RBFOX1: variants seen among roughly 807,000 people sequenced by gnomAD.
RBFOX1 encodes the protein RNA binding fox-1 homolog 1.
Under a neutral mutation model 57.7 loss-of-function variants are expected in RBFOX1, and 8 were observed. The observed-to-expected ratio is 0.14, with a 90% CI of 0.08 to 0.25. The LOEUF is 0.25. RBFOX1 is among the 10% of genes least tolerant of loss of function. RBFOX1 has a pLI of 1.00. For missense variants in RBFOX1, 611 were observed against 548.5 expected (o/e 1.11, Z -1.14); for synonymous variants, 326 against 222.4 (o/e 1.47, Z -4.15).
intron 10 of RBFOX1, among the ~76,000 whole-genome samples, chr16:7,625,322 G>A (rs895987934): frequency 3.9e-5 from 6 of 152,104 alleles, no homozygotes; most frequent in Admixed American, 6.5e-5. Flanking sequence ...TGCCCACCCA[G>A]CCCTTCGAGC....
At chr16:6,218,629 T>C (rs552810124) in intron 1 of RBFOX1, among the ~76,000 whole-genome samples, 1 of 152,192 alleles carries the variant, frequency 6.6e-6, no homozygotes, top group African/African-American at 2.4e-5. Context: ...CTTTCTCTTG[T>C]TTTTAATAAG....
chr16:6,708,833 G>C (rs147307238), intron 3 of RBFOX1, among the ~76,000 whole-genome samples: 154 of 152,276 alleles, frequency 1.0e-3, no homozygotes, highest in African/African-American at 3.6e-3. Context: ...CTTGAGAAAT[G>C]ATGAGTAAGA....
At chr16:6,006,185 G>C (rs896916034) in intron 4 of RBFOX1, among the ~76,000 whole-genome samples, 3 of 152,250 alleles carry the variant, frequency 2.0e-5, no homozygotes, top group Admixed American at 2.0e-4. Flanking sequence ...GTTTCCTACG[G>C]GGAAATCACC....
At chr16:6,371,675 A>T (rs911108864) in intron 2 of RBFOX1, among the ~76,000 whole-genome samples, 1 of 152,164 alleles carries the variant, frequency 6.6e-6, no homozygotes, top group Admixed American at 6.5e-5. Context: ...TGGTGTTTAG[A>T]AACAAAGTTC....
At chr16:6,403,302 A>C (rs1028053140) in intron 2 of RBFOX1, among the ~76,000 whole-genome samples, 3 of 152,224 alleles carry the variant, frequency 2.0e-5, no homozygotes, top group Admixed American at 6.5e-5. Flanking sequence ...CCTGCCACTC[A>C]GGTGTTAAGA....
intron 3 of RBFOX1, among the ~76,000 whole-genome samples, chr16:5,832,295 C>T (rs996786737): frequency 6.6e-6 from 1 of 152,162 alleles, no homozygotes; most frequent in African/African-American, 2.4e-5. Flanking sequence ...CCAGCTAGTT[C>T]CAAACCTTAC....
intron 2 of RBFOX1, among the ~76,000 whole-genome samples, chr16:6,501,034 G>T (rs1474007629): frequency 6.6e-6 from 1 of 151,354 alleles, no homozygotes; most frequent in Non-Finnish European, 1.5e-5. Context: ...GGGTAGGATG[G>T]TCTCACTGCC....
At chr16:7,396,578 G>C (rs80217548) in intron 4 of RBFOX1, among the ~76,000 whole-genome samples, 2 of 152,060 alleles carry the variant, frequency 1.3e-5, no homozygotes, top group African/African-American at 4.8e-5. Flanking sequence ...TGGACTTAAC[G>C]TTACTTTAAG....
chr16:5,888,612 A>G (rs903407419), intron 4 of RBFOX1, among the ~76,000 whole-genome samples: 14 of 152,216 alleles, frequency 9.2e-5, no homozygotes, highest in Admixed American at 9.2e-4. Flanking sequence ...CCTGACCAAC[A>G]TGGGGAAACC....
chr16:7,565,316 T>G (rs1025175987), intron 5 of RBFOX1, among the ~76,000 whole-genome samples: 1 of 152,210 alleles, frequency 6.6e-6, no homozygotes, highest in Non-Finnish European at 1.5e-5. Context: ...ACATTCAATA[T>G]AGTTACATTT....
intron 1 of RBFOX1, among the ~76,000 whole-genome samples, chr16:6,153,816 G>T (rs188790459): frequency 1.9e-4 from 29 of 152,308 alleles, no homozygotes; most frequent in African/African-American, 4.6e-4. Flanking sequence ...GATTACAGGT[G>T]TGAGCCACCA....
chr16:7,611,232 G>C (rs1488223313), intron 10 of RBFOX1, among the ~76,000 whole-genome samples: 1 of 152,124 alleles, frequency 6.6e-6, no homozygotes, highest in Non-Finnish European at 1.5e-5. Flanking sequence ...TCTCCTAAAG[G>C]TAATTTTCTT....
At chr16:6,918,843 A>G (rs960364716) in intron 3 of RBFOX1, among the ~76,000 whole-genome samples, 5 of 152,166 alleles carry the variant, frequency 3.3e-5, no homozygotes, top group African/African-American at 1.2e-4. Context: ...TTTCAGTGCA[A>G]CACATTGCAG....
intron 3 of RBFOX1, among the ~76,000 whole-genome samples, chr16:5,820,336 C>T (rs1179480949): frequency 6.6e-6 from 1 of 152,180 alleles, no homozygotes; most frequent in African/African-American, 2.4e-5. Flanking sequence ...AGGAATCTTA[C>T]TGTCTTTATA....
At chr16:5,701,569 C>G (rs938292556) in intron 3 of RBFOX1, among the ~76,000 whole-genome samples, 2 of 152,074 alleles carry the variant, frequency 1.3e-5, no homozygotes, top group Admixed American at 6.5e-5. Context: ...GGCTGGGACT[C>G]CAGGCACACT....
intron 2 of RBFOX1, among the ~76,000 whole-genome samples, chr16:5,504,196 C>T (rs1170152865): frequency 6.6e-6 from 1 of 152,194 alleles, no homozygotes; most frequent in East Asian, 1.9e-4. Flanking sequence ...CCAAGAGCAG[C>T]AGCACCCCTG....
intron 14 of RBFOX1, among the ~76,000 whole-genome samples, chr16:7,677,126 T>TACACACACACACACACACAC (rs1314598196): frequency 0.016 from 802 of 51,150 alleles, 10 homozygotes; most frequent in Admixed American, 0.061. Flanking sequence ...CTTGCTCACA[T>TACACACACACACACACACAC]ACACATACAC....
At chr16:5,718,544 C>T (rs2051803629) in intron 3 of RBFOX1, among the ~76,000 whole-genome samples, 1 of 152,228 alleles carries the variant, frequency 6.6e-6, no homozygotes, top group South Asian at 2.1e-4. Flanking sequence ...AAATCAAGTA[C>T]AGTTATTAAA....
At chr16:5,670,495 G>T (rs902483168) in intron 3 of RBFOX1, among the ~76,000 whole-genome samples, 1 of 152,128 alleles carries the variant, frequency 6.6e-6, no homozygotes, top group African/African-American at 2.4e-5. Flanking sequence ...GGAAGATATG[G>T]GAACATATGC....
Sources: gnomAD v4.1 joint callset for allele counts (sites outside exome capture counted in the v4.1 genomes callset) on GRCh38, gnomAD v4.1.1 for gene constraint, MANE v1.5 for transcripts, NCBI Gene and HGNC (gene_info 2026-07-23, HGNC 2026-07-21) for gene names.